Variants in THADA observed in about 807,000 individuals in gnomAD.
THADA encodes the protein tRNA (32-2'-O)-methyltransferase regulator THADA.
Under a neutral mutation model 219.8 loss-of-function variants are expected in THADA, and 213 were observed. The ratio of observed to expected loss-of-function variants is 0.97; its 90% confidence interval spans 0.87 to 1.09. THADA has a LOEUF of 1.09. Among genes scored for constraint, THADA ranks in the 50% least tolerant of loss-of-function variants. THADA has a pLI of 0.00. For synonymous variants in THADA, 1,018 were observed against 828.9 expected, an observed-to-expected ratio of 1.23 and a Z score of -3.92; for missense variants, 2,956 against 2,311.3, an observed-to-expected ratio of 1.28 and a Z score of -5.72.
At chr2:43,522,345 T>C (rs902865159) in intron 22 of THADA, among the ~76,000 whole-genome samples, 5 of 152,132 alleles carry the variant, frequency 3.3e-5, no homozygotes, top group African/African-American at 1.2e-4. Context: ...GGCTAAAACA[T>C]TAGGGGGCTA....
At chr2:43,288,175 T>A (rs1043466379) in intron 34 of THADA, among the ~76,000 whole-genome samples, 2 of 152,226 alleles carry the variant, frequency 1.3e-5, no homozygotes, top group Admixed American at 6.5e-5. Flanking sequence ...TCCCAGCACT[T>A]TGGGAGGCCA....
In THADA at chr2:43,586,965, C is replaced by G; in HGVS notation, c.340G>C (p.Ala114Pro). The change falls in exon 5 of 38, where the codon GCT becomes CCT. Residue 114 changes from alanine (A) to proline (P), a missense_variant. By Grantham distance (27) the Ala-to-Pro change is conservative. Transcript: ENST00000405975. ...AGACGAGAAGTAAAACGGTGCATAG[C>G]CTCAGGTAGAAAAAAATCAGGCAGG... ...NSLPDFFLPE[A>P]MHRFTSRLQE... The G allele has an allele frequency of 3.1e-6, 5 of 1,613,492 alleles. No homozygotes were observed. The highest frequency in any genetic ancestry group is 4.2e-6 in the Non-Finnish European group (5 of 1,179,748).
At chr2:43,459,641 C>G (rs1683399565) in intron 26 of THADA, among the ~76,000 whole-genome samples, 1 of 152,142 alleles carries the variant, frequency 6.6e-6, no homozygotes, top group South Asian at 2.1e-4. Flanking sequence ...CTGGCTGGTT[C>G]TCAAAAAATA....
chr2:43,468,225 G>C (rs185421676), intron 26 of THADA, among the ~76,000 whole-genome samples: 1 of 152,284 alleles, frequency 6.6e-6, no homozygotes, highest in East Asian at 1.9e-4. Flanking sequence ...GTGTAAATTA[G>C]GGAGTAACGC....
At chr2:43,533,114 A>G (rs1694103235) in intron 21 of THADA, among the ~76,000 whole-genome samples, 1 of 152,260 alleles carries the variant, frequency 6.6e-6, no homozygotes, top group Non-Finnish European at 1.5e-5. Flanking sequence ...GAAGATATTT[A>G]TGCAGCTAAC....
chr2:43,578,523 A>G lies in THADA; in HGVS notation c.806T>C (p.Ile269Thr). 5.6e-6 allele frequency: 9 copies of G among 1,609,452 alleles called. No individual in the cohort carries two copies. Among genetic ancestry groups the G allele is most frequent in the Non-Finnish European group, 7.7e-6 (9 of 1,176,128 alleles). The stretch of plus-strand genomic sequence containing the variant: ...AGGAGATGCACTTACCAAATGAGGA[A>G]TCTTTTCAGACGGGTGAAACATAGT... ...IKTMFHPSEKIPHLISSVLLR... is the reference protein window; with the variant it reads ...IKTMFHPSEKTPHLISSVLLR... Residue 269 changes from isoleucine (I) to threonine (T), a missense_variant, in exon 9 of 38, where the codon ATT (isoleucine) becomes ACT (threonine). Physicochemically the swap from Ile to Thr is moderately conservative, Grantham distance 89. Transcript: ENST00000405975.
chr2:43,556,482 A>G lies in THADA; in HGVS notation c.2537T>C (p.Val846Ala). The G allele has an allele frequency of 6.2e-7, 1 of 1,613,934 alleles. No homozygotes were observed. The highest frequency in any genetic ancestry group is 2.2e-5 in the East Asian group (1 of 44,882). The change falls in exon 17 of 38, where the codon GTG (valine) becomes GCG (alanine). Residue 846 changes from valine (V) to alanine (A), a missense_variant. Physicochemically the swap from Val to Ala is moderately conservative, Grantham distance 64. Coordinates refer to ENST00000405975, the MANE Select transcript of THADA (RefSeq NM_022065.5). ...LSTSTKPYDC[V>A]TASYLLNFLI... is the part of the protein sequence containing the mutation. ...GAAGTTCAGCAGGTAGGAAGCTGTC[A>G]CACAGTCGTATGGTTTGGTGCTTGT...
At chr2:43,348,027 T>A (rs1383228975) in intron 29 of THADA, among the ~76,000 whole-genome samples, 1 of 152,126 alleles carries the variant, frequency 6.6e-6, no homozygotes, top group East Asian at 1.9e-4. Flanking sequence ...ACTGTAGTAG[T>A]CTAGACAAGA....
At chr2:43,479,473 A>G (rs1008037229) in intron 26 of THADA, among the ~76,000 whole-genome samples, 1 of 152,186 alleles carries the variant, frequency 6.6e-6, no homozygotes, top group African/African-American at 2.4e-5. Context: ...TTAATTAAAG[A>G]TATCAATGAA....
intron 25 of THADA, among the ~76,000 whole-genome samples, chr2:43,490,313 G>A (rs1212700406): frequency 6.6e-6 from 1 of 151,998 alleles, no homozygotes; most frequent in East Asian, 1.9e-4. Context: ...TTCCTTTACT[G>A]GATAACTTTT....
At chr2:43,522,938 A>C (rs1179508090) in intron 22 of THADA, among the ~76,000 whole-genome samples, 1 of 152,058 alleles carries the variant, frequency 6.6e-6, no homozygotes, top group Non-Finnish European at 1.5e-5. Flanking sequence ...CAAAACAAAA[A>C]AAAGAATATG....
At chr2:43,434,132 A>T (rs1266978163) in intron 26 of THADA, among the ~76,000 whole-genome samples, 1 of 152,272 alleles carries the variant, frequency 6.6e-6, no homozygotes, top group South Asian at 2.1e-4. Flanking sequence ...TAGGACTATG[A>T]GTACAAGTAA....
At chr2:43,519,765 C>T (rs1002347586) in intron 22 of THADA, among the ~76,000 whole-genome samples, 1 of 152,158 alleles carries the variant, frequency 6.6e-6, no homozygotes, top group Non-Finnish European at 1.5e-5. Context: ...TGCCAGCTGG[C>T]GCACATTAGC....
At chr2:43,520,772 G>T (rs765759413) in intron 22 of THADA, among the ~76,000 whole-genome samples, 8 of 150,468 alleles carry the variant, frequency 5.3e-5, no homozygotes, top group Middle Eastern at 3.2e-3. Context: ...AACAACAAAC[G>T]GTTTACCAGT....
intron 25 of THADA, among the ~76,000 whole-genome samples, chr2:43,497,661 C>T (rs1308739697): frequency 6.6e-6 from 1 of 152,136 alleles, no homozygotes; most frequent in African/African-American, 2.4e-5. Context: ...CCAAGGTGGG[C>T]AGATCACGAG....
At chr2:43,460,082 C>T (rs767231726) in intron 26 of THADA, among the ~76,000 whole-genome samples, 1 of 151,912 alleles carries the variant, frequency 6.6e-6, no homozygotes, top group Non-Finnish European at 1.5e-5. Flanking sequence ...AAGTCAGTAA[C>T]TACCCTGAAC....
At chr2:43,559,728 G>C (rs1574257746) in intron 16 of THADA, among the ~76,000 whole-genome samples, 2 of 152,344 alleles carry the variant, frequency 1.3e-5, no homozygotes, top group Middle Eastern at 3.4e-3. Flanking sequence ...AGAGCACTAG[G>C]AACTGTTGTT....
At chr2:43,272,460 G>A (rs932990748) in intron 36 of THADA, among the ~76,000 whole-genome samples, 2 of 152,112 alleles carry the variant, frequency 1.3e-5, no homozygotes, top group African/African-American at 4.8e-5. Context: ...TGGCGGACAG[G>A]CACTTTCTAA....
At chr2:43,362,503 T>C (rs1669645645) in intron 29 of THADA, among the ~76,000 whole-genome samples, 2 of 152,164 alleles carry the variant, frequency 1.3e-5, no homozygotes, top group Non-Finnish European at 2.9e-5. Flanking sequence ...AAATATGCTA[T>C]TAATATAAAG....
Sources: allele counts gnomAD v4.1 joint callset (sites outside exome capture counted in the v4.1 genomes callset), GRCh38; gene constraint gnomAD v4.1.1; transcripts MANE v1.5; gene names NCBI Gene and HGNC (gene_info 2026-07-23, HGNC 2026-07-21).